Variants in RASGRF2 observed in about 807,000 individuals in gnomAD.
RASGRF2 encodes ras-specific guanine nucleotide-releasing factor 2.
In RASGRF2, 76 loss-of-function variants were observed where a neutral mutation model predicts 151.0. The observed-to-expected ratio is 0.50, with a 90% CI of 0.42 to 0.61. RASGRF2 has a LOEUF of 0.61. RASGRF2 is among the 20% of genes least tolerant of loss of function. The pLI is 0.00. For synonymous variants in RASGRF2, 504 were observed against 566.5 expected, an observed-to-expected ratio of 0.89 and a Z score of 1.57; for missense variants, 1,148 against 1,564.6, an observed-to-expected ratio of 0.73 and a Z score of 4.49.
chr5:81,147,325 T>G (rs1472894116), intron 17 of RASGRF2, among the ~76,000 whole-genome samples: 2 of 152,242 alleles, frequency 1.3e-5, no homozygotes, highest in Non-Finnish European at 2.9e-5. Flanking sequence ...CAAGTTATAC[T>G]TTATGGGTAT....
intron 13 of RASGRF2, among the ~76,000 whole-genome samples, chr5:81,109,561 G>T (rs1016804210): frequency 5.3e-5 from 8 of 152,276 alleles, no homozygotes; most frequent in Admixed American, 2.6e-4. Flanking sequence ...AGCTACTCGG[G>T]AGGCTGAGGC....
chr5:81,112,048 A>C (rs1277186039), intron 13 of RASGRF2, among the ~76,000 whole-genome samples: 1 of 152,174 alleles, frequency 6.6e-6, no homozygotes, highest in Non-Finnish European at 1.5e-5. Flanking sequence ...AATTAGAGAG[A>C]AGGAATCCAC....
At chr5:81,149,640 A>G (rs1754089336) in intron 17 of RASGRF2, among the ~76,000 whole-genome samples, 1 of 152,116 alleles carries the variant, frequency 6.6e-6, no homozygotes, top group Non-Finnish European at 1.5e-5. Context: ...CAATTAAAAA[A>G]AAAAAATCCA....
intron 1 of RASGRF2, among the ~76,000 whole-genome samples, chr5:80,978,706 G>C (rs189206697): frequency 6.6e-6 from 1 of 152,094 alleles, no homozygotes; most frequent in Non-Finnish European, 1.5e-5. Flanking sequence ...AGAATCACGT[G>C]AACCCAGGAG....
chr5:81,056,689 C>T (rs1751225570), intron 2 of RASGRF2, among the ~76,000 whole-genome samples: 1 of 152,096 alleles, frequency 6.6e-6, no homozygotes, highest in African/African-American at 2.4e-5. Context: ...TCCTTGTTAA[C>T]TTTCTGTCTC....
At chr5:81,024,177 C>T (rs979837144) in intron 1 of RASGRF2, among the ~76,000 whole-genome samples, 2 of 149,094 alleles carry the variant, frequency 1.3e-5, no homozygotes, top group Non-Finnish European at 3.0e-5. Flanking sequence ...TGAGAGGTCT[C>T]TTAGCTAATT....
In RASGRF2 at chr5:80,968,857, A is replaced by G. The variant is rs567259777; in HGVS notation, c.288+7831A>G. Reference sequence around the variant, plus strand: ...TGCCACCACACCCAGCTAATTATTTATTTTTTTTTGGAGATGGGGTCTCCC... The same window carrying G: ...TGCCACCACACCCAGCTAATTATTTGTTTTTTTTTGGAGATGGGGTCTCCC... On this transcript the variant is annotated intron_variant, in intron 1 of 26. Transcript: ENST00000265080. Among the ~76,000 whole-genome samples the G allele has an allele frequency of 2.0e-5, 3 of 150,356 alleles. No individual in the cohort carries two copies. In the East Asian group the frequency reaches 5.9e-4, roughly 30 times the overall value.
At chr5:81,140,064 A>C (rs887173491) in intron 17 of RASGRF2, among the ~76,000 whole-genome samples, 31 of 152,042 alleles carry the variant, frequency 2.0e-4, no homozygotes, top group Admixed American at 5.9e-4. Flanking sequence ...CCCGTCCTTA[A>C]GTGATCCTCC....
intron 1 of RASGRF2, among the ~76,000 whole-genome samples, chr5:81,036,540 A>G (rs1019991816): frequency 6.6e-6 from 1 of 151,988 alleles, no homozygotes; most frequent in African/African-American, 2.4e-5. Context: ...CCCACATCCA[A>G]TTTGCTTAGT....
intron 17 of RASGRF2, among the ~76,000 whole-genome samples, chr5:81,158,226 A>G (rs190727784): frequency 6.9e-4 from 105 of 152,368 alleles, no homozygotes; most frequent in African/African-American, 2.4e-3. Flanking sequence ...AAATTCTTAC[A>G]TTTAAAGTTG....
chr5:81,003,308 C>T (rs192010822), intron 1 of RASGRF2, among the ~76,000 whole-genome samples: 98 of 151,520 alleles, frequency 6.5e-4, no homozygotes, highest in Non-Finnish European at 7.7e-4. Flanking sequence ...CTGCAAGCTC[C>T]GCCTCCCGGG....
At chr5:81,017,698 G>A (rs1749683075) in intron 1 of RASGRF2, among the ~76,000 whole-genome samples, 1 of 152,178 alleles carries the variant, frequency 6.6e-6, no homozygotes, top group Non-Finnish European at 1.5e-5. Context: ...GAATATTCTT[G>A]AAGTTAAACC....
At chr5:81,023,811 A>G (rs1749914283) in intron 1 of RASGRF2, among the ~76,000 whole-genome samples, 1 of 152,172 alleles carries the variant, frequency 6.6e-6, no homozygotes, top group Non-Finnish European at 1.5e-5. Context: ...TCCTCTCCCC[A>G]TACTGGGCAT....
intron 16 of RASGRF2, among the ~76,000 whole-genome samples, chr5:81,124,169 G>A (rs1273507170): frequency 6.6e-6 from 1 of 152,126 alleles, no homozygotes. Context: ...AATACTACAC[G>A]ATTTTATATC....
intron 1 of RASGRF2, among the ~76,000 whole-genome samples, chr5:80,987,085 A>G (rs898292791): frequency 1.3e-5 from 2 of 152,034 alleles, no homozygotes; most frequent in African/African-American, 4.8e-5. Context: ...CTCCTTTTCT[A>G]CAGAAGACCA....
At chr5:81,092,439 A>AT (rs1752417235) in intron 9 of RASGRF2, among the ~76,000 whole-genome samples, 1 of 152,220 alleles carries the variant, frequency 6.6e-6, no homozygotes, top group African/African-American at 2.4e-5. Flanking sequence ...CTATATAATT[A>AT]TGCAATATGT....
intron 3 of RASGRF2, among the ~76,000 whole-genome samples, chr5:81,068,521 G>C (rs1751681845): frequency 6.6e-6 from 1 of 151,912 alleles, no homozygotes; most frequent in Admixed American, 6.6e-5. Flanking sequence ...TTATGAGTCT[G>C]CCATAGATTC....
rs143517618 is a variant in RASGRF2, at chr5:81,097,053, C to T, written c.1755+2061C>T. On this transcript the variant is annotated intron_variant, in intron 12 of 26. Coordinates refer to ENST00000265080, the MANE Select transcript of RASGRF2 (RefSeq NM_006909.3). The stretch of plus-strand genomic sequence containing the variant: ...CTCAGCTCACTGCAACCTCCACCTC[C>T]CAGATTCAAGTGATTCTCCTGCCTC... 4.4e-3 allele frequency among the ~76,000 whole-genome samples: 662 copies of T among 152,136 alleles called. 3 individuals carry two copies. Among genetic ancestry groups the T allele is most frequent in the African/African-American group, 0.015 (626 of 41,518 alleles).
intron 18 of RASGRF2, among the ~76,000 whole-genome samples, chr5:81,196,675 C>T (rs1418804710): frequency 4.7e-5 from 7 of 150,488 alleles, no homozygotes; most frequent in African/African-American, 7.3e-5. Context: ...TCACTAATGC[C>T]GGTTGATCAA....
Sources: allele counts gnomAD v4.1 joint callset (sites outside exome capture counted in the v4.1 genomes callset), GRCh38; gene constraint gnomAD v4.1.1; transcripts MANE v1.5; gene names NCBI Gene and HGNC (gene_info 2026-07-23, HGNC 2026-07-21).